The following TPO variants were observed in gnomAD, a reference collection of about 807,000 sequenced individuals.
TPO encodes thyroid peroxidase.
In TPO, 78 loss-of-function variants were observed where a neutral mutation model predicts 96.9. The ratio of observed to expected loss-of-function variants is 0.81; its 90% CI spans 0.67 to 0.97. The LOEUF is 0.97. Among genes scored for constraint, TPO ranks in the 50% least tolerant of loss-of-function variants. The pLI is 0.00. For missense variants in TPO, 1,252 were observed against 1,274.8 expected, an observed-to-expected ratio of 0.98 and a Z score of 0.27; for synonymous variants, 547 against 538.0, an observed-to-expected ratio of 1.02 and a Z score of -0.23.
intron 6 of TPO, among the ~76,000 whole-genome samples, chr2:1,455,241 C>T (rs1052657692): frequency 3.3e-5 from 5 of 152,208 alleles, no homozygotes; most frequent in Admixed American, 2.6e-4. Context: ...AATGTAATCG[C>T]ATCAGCAGGC....
Position 1,396,585 on chromosome 2 carries a change from A to G in TPO, n.180+22183A>G, listed in dbSNP as rs115022433. Reference sequence around the variant, plus strand: ...TGTGGTTATGTTCTGGCACCACATAAACATGGAGGGAAATTGCAGAATGAG... The same window carrying G: ...TGTGGTTATGTTCTGGCACCACATAGACATGGAGGGAAATTGCAGAATGAG... On this transcript the variant is annotated intron_variant and non_coding_transcript_variant, in intron 1 of 5. Coordinates refer to the TPO transcript ENST00000497517. 8.6e-3 allele frequency among the ~76,000 whole-genome samples: 1,309 copies of G among 152,268 alleles called. 22 individuals carry two copies. The highest frequency in any genetic ancestry group is 0.029 in the African/African-American group (1,204 of 41,556).
chr2:1,385,342 AC>A (rs1661874337), intron 1 of TPO, among the ~76,000 whole-genome samples: 3 of 152,044 alleles, frequency 2.0e-5, no homozygotes. Context: ...CCAGTCCTGG[AC>A]TTTTTTTGGT....
intron 16 of TPO, chr2:1,540,930 A>G (rs1033603490): frequency 6.5e-7 from 1 of 1,533,508 alleles, no homozygotes; most frequent in Non-Finnish European, 8.8e-7. Flanking sequence ...AGGAATGAAG[A>G]TGCCTTCCAT....
intron 1 of TPO, among the ~76,000 whole-genome samples, chr2:1,383,788 G>A (rs980789782): frequency 2.6e-5 from 4 of 152,156 alleles, no homozygotes; most frequent in African/African-American, 9.7e-5. Flanking sequence ...TAGCCATGAC[G>A]TCCTTGCCCA....
intron 10 of TPO, among the ~76,000 whole-genome samples, chr2:1,492,004 C>G (rs969025269): frequency 6.6e-6 from 1 of 152,140 alleles, no homozygotes; most frequent in African/African-American, 2.4e-5. Flanking sequence ...GTGGAAGCAC[C>G]AGGGCTACGG....
intron 3 of TPO, among the ~76,000 whole-genome samples, chr2:1,433,001 A>AG (rs1353837701): frequency 2.0e-5 from 3 of 152,300 alleles, no homozygotes; most frequent in Middle Eastern, 3.4e-3. Context: ...TGGGAAGGGA[A>AG]GAAGTTGGAG....
intron 15 of TPO, among the ~76,000 whole-genome samples, chr2:1,536,730 C>T: frequency 8.5e-6 from 1 of 117,754 alleles, no homozygotes; most frequent in African/African-American, 3.4e-5. Context: ...TCCTCAAATC[C>T]CCACCACTCT....
intron 15 of TPO, among the ~76,000 whole-genome samples, chr2:1,533,259 G>A (rs1678762687): frequency 1.8e-5 from 1 of 55,530 alleles, no homozygotes; most frequent in Non-Finnish European, 2.9e-5. Flanking sequence ...CACACTATGT[G>A]CAACCTCCTC....
intron 14 of TPO, among the ~76,000 whole-genome samples, chr2:1,511,071 G>T (rs1050958877): frequency 6.6e-6 from 1 of 152,212 alleles, no homozygotes; most frequent in African/African-American, 2.4e-5. Flanking sequence ...ATAGATTCAG[G>T]CGCTGATATA....
At chr2:1,541,301 A>C (rs1233544116) in intron 16 of TPO, 1 of 611,366 alleles carries the variant, frequency 1.6e-6, no homozygotes, top group South Asian at 5.0e-5. Flanking sequence ...GGTCTGCTGC[A>C]CGGCATGGGG....
chr2:1,443,051 C>A (rs544088981), intron 5 of TPO, among the ~76,000 whole-genome samples: 2 of 152,318 alleles, frequency 1.3e-5, no homozygotes, highest in South Asian at 4.1e-4. Flanking sequence ...GCCTGGGCAA[C>A]AAAGCAATAC....
chr2:1,536,043 C>G (rs1297067479), intron 15 of TPO, among the ~76,000 whole-genome samples: 2 of 38,518 alleles, frequency 5.2e-5, no homozygotes, highest in Non-Finnish European at 4.8e-5. Flanking sequence ...GCAACCTCCT[C>G]AAATCCCCCC....
intron 1 of TPO, among the ~76,000 whole-genome samples, chr2:1,405,528 G>A (rs997426603): frequency 3.5e-4 from 47 of 135,262 alleles, no homozygotes; most frequent in Admixed American, 1.9e-3. Context: ...CCACCTCCCC[G>A]CCCATCCATC....
At chr2:1,493,530 A>G (rs1360428375) in intron 10 of TPO, among the ~76,000 whole-genome samples, 1 of 91,048 alleles carries the variant, frequency 1.1e-5, no homozygotes, top group Non-Finnish European at 2.5e-5. Context: ...ACTGCTGGGC[A>G]GTGTCACAGG....
At chr2:1,416,338 C>A (rs1000099380) in intron 2 of TPO, among the ~76,000 whole-genome samples, 11 of 152,064 alleles carry the variant, frequency 7.2e-5, no homozygotes, top group African/African-American at 2.7e-4. Context: ...TTTAGTAGGA[C>A]CTGGTTGTAT....
chr2:1,472,768 C>T (rs755303039), intron 7 of TPO, among the ~76,000 whole-genome samples: 27 of 145,506 alleles, frequency 1.9e-4, no homozygotes, highest in South Asian at 4.3e-4. Flanking sequence ...TACTCACATT[C>T]GCCATCCACA....
intron 14 of TPO, among the ~76,000 whole-genome samples, chr2:1,510,654 C>T (rs547497992): frequency 2.6e-5 from 4 of 152,274 alleles, no homozygotes; most frequent in Admixed American, 2.6e-4. Flanking sequence ...CCTAAGAGAA[C>T]TTGCCCACTA....
At chr2:1,464,328 T>C (rs1187427037) in intron 7 of TPO, among the ~76,000 whole-genome samples, 3 of 152,250 alleles carry the variant, frequency 2.0e-5, no homozygotes, top group Non-Finnish European at 2.9e-5. Flanking sequence ...TTCCACAGTT[T>C]GGCAATTGTG....
At chr2:1,491,748 C>G (rs1671785816) in intron 10 of TPO, among the ~76,000 whole-genome samples, 1 of 152,178 alleles carries the variant, frequency 6.6e-6, no homozygotes, top group African/African-American at 2.4e-5. Flanking sequence ...ATGGTCTAGG[C>G]TACAGTAGAT....
Sources: allele counts gnomAD v4.1 joint callset (sites outside exome capture counted in the v4.1 genomes callset), GRCh38; gene constraint gnomAD v4.1.1; transcripts MANE v1.5; gene names NCBI Gene and HGNC (gene_info 2026-07-23, HGNC 2026-07-21).